SOX5: variants seen among roughly 807,000 people sequenced by gnomAD.
SOX5 encodes SRY-box transcription factor 5.
In SOX5, 9 loss-of-function variants were observed where a neutral mutation model predicts 92.0. The observed-to-expected ratio is 0.10, with a 90% CI of 0.06 to 0.17. The LOEUF is 0.17. Among genes scored for constraint, SOX5 ranks in the 10% least tolerant of loss-of-function variants. The pLI, the probability that SOX5 is intolerant of heterozygous loss-of-function variation, is 1.00. For synonymous variants in SOX5, 344 were observed against 336.3 expected (o/e 1.02, Z -0.25); for missense variants, 642 against 944.5 (o/e 0.68, Z 4.20).
At chr12:24,036,981 A>C (rs183120295) in intron 4 of SOX5, among the ~76,000 whole-genome samples, 33 of 152,266 alleles carry the variant, frequency 2.2e-4, no homozygotes, top group South Asian at 4.1e-4. Flanking sequence ...GCATGTTATC[A>C]ATGTAAAGGC....
rs1372745181 is a variant in SOX5 at position 23,740,970 on chromosome 12, C to T, written c.638G>A (p.Arg213Gln). The stretch of plus-strand genomic sequence containing the variant: ...ATCGTGGGCAGCCAACAGCTGCTCT[C>T]GGAGGCTGGTCAGCTGGTTGATCAT... The part of the protein sequence containing the change: ...MGMINQLTSL[R>Q]EQLLAAHDEQ... The change falls in exon 5 of 15, where the codon CGA (arginine) becomes CAA (glutamine). Residue 213 changes from arginine to glutamine, a missense_variant. Transcript: ENST00000451604. 2.5e-6 allele frequency: 4 copies of T among 1,612,618 alleles called. No homozygotes were observed. The highest frequency in any genetic ancestry group is 3.4e-6 in the Non-Finnish European group (4 of 1,179,042).
At chr12:23,659,910 T>G (rs1246199992) in intron 7 of SOX5, among the ~76,000 whole-genome samples, 26 of 152,064 alleles carry the variant, frequency 1.7e-4, no homozygotes, top group Admixed American at 1.4e-3. Context: ...GAGGTTGCAG[T>G]GAGCCGAGAT....
At chr12:23,906,819 T>C (rs1206556214) in intron 1 of SOX5, among the ~76,000 whole-genome samples, 1 of 152,080 alleles carries the variant, frequency 6.6e-6, no homozygotes, top group African/African-American at 2.4e-5. Context: ...TAACGAGGAA[T>C]AGTGTGCTTC....
intron 10 of SOX5, among the ~76,000 whole-genome samples, chr12:23,571,783 T>C (rs1741379490): frequency 1.3e-5 from 2 of 152,162 alleles, no homozygotes; most frequent in Non-Finnish European, 2.9e-5. Context: ...TTCAAATCCC[T>C]AGGTAGACAC....
chr12:24,331,585 C>T (rs1292306048), intron 2 of SOX5, among the ~76,000 whole-genome samples: 4 of 152,050 alleles, frequency 2.6e-5, no homozygotes, highest in South Asian at 2.1e-4. Flanking sequence ...CGTGGTGGCT[C>T]ACACCTGTAA....
chr12:23,897,352 T>C (rs922031694), intron 1 of SOX5, among the ~76,000 whole-genome samples: 15 of 152,218 alleles, frequency 9.9e-5, no homozygotes, highest in African/African-American at 3.4e-4. Flanking sequence ...ATTAAAAATA[T>C]TAGGACAGTA....
intron 4 of SOX5, among the ~76,000 whole-genome samples, chr12:23,969,685 A>G (rs1948001871): frequency 6.6e-6 from 1 of 152,176 alleles, no homozygotes; most frequent in Non-Finnish European, 1.5e-5. Flanking sequence ...AGCTAGCTCA[A>G]CCTAGTTTTT....
At chr12:23,932,668 AT>A (rs961732952) in intron 1 of SOX5, among the ~76,000 whole-genome samples, 9 of 151,212 alleles carry the variant, frequency 6.0e-5, no homozygotes, top group South Asian at 2.1e-4. Flanking sequence ...TTTGTTTTTT[AT>A]TTTTTTTGAA....
chr12:24,497,750 A>G (rs1346977863), intron 1 of SOX5, among the ~76,000 whole-genome samples: 1 of 152,168 alleles, frequency 6.6e-6, no homozygotes, highest in African/African-American at 2.4e-5. Flanking sequence ...ACATGCATGC[A>G]TAAGTTCATT....
chr12:23,814,071 T>G (rs2095935273), intron 3 of SOX5, among the ~76,000 whole-genome samples: 1 of 152,174 alleles, frequency 6.6e-6, no homozygotes, highest in African/African-American at 2.4e-5. Flanking sequence ...AGAATATTTA[T>G]TTATAGATGT....
intron 2 of SOX5, among the ~76,000 whole-genome samples, chr12:23,877,337 T>C (rs891886302): frequency 2.0e-5 from 3 of 152,122 alleles, no homozygotes; most frequent in African/African-American, 7.2e-5. Flanking sequence ...ATATTCTCTG[T>C]TCTTTAAAAG....
intron 3 of SOX5, among the ~76,000 whole-genome samples, chr12:23,794,555 C>A (rs914314175): frequency 3.3e-5 from 5 of 152,018 alleles, no homozygotes; most frequent in African/African-American, 9.7e-5. Flanking sequence ...TTTAGCATTC[C>A]CTCCAAAAGA....
intron 1 of SOX5, among the ~76,000 whole-genome samples, chr12:24,535,887 C>T (rs1455965462): frequency 1.3e-5 from 2 of 151,930 alleles, no homozygotes; most frequent in African/African-American, 4.8e-5. Context: ...AATTGCTTCC[C>T]CCGCCCCACC....
chr12:23,885,812 C>T (rs2097057870), intron 2 of SOX5, among the ~76,000 whole-genome samples: 2 of 150,228 alleles, frequency 1.3e-5, no homozygotes, highest in South Asian at 4.2e-4. Context: ...AAAGAATGTT[C>T]CCTCATTCTC....
intron 4 of SOX5, among the ~76,000 whole-genome samples, chr12:23,974,931 GA>G (rs1181153050): frequency 1.3e-5 from 2 of 152,066 alleles, no homozygotes; most frequent in African/African-American, 2.4e-5. Flanking sequence ...TGTTTGGGGG[GA>G]AAGTATAAAA....
intron 2 of SOX5, among the ~76,000 whole-genome samples, chr12:24,304,705 G>T (rs1222915589): frequency 1.3e-5 from 2 of 152,078 alleles, no homozygotes. Flanking sequence ...AACAAACTTA[G>T]CATGTCCCCC....
intron 4 of SOX5, among the ~76,000 whole-genome samples, chr12:24,050,127 G>T (rs1464820879): frequency 6.8e-6 from 1 of 147,168 alleles, no homozygotes; most frequent in Non-Finnish European, 1.5e-5. Flanking sequence ...AAAGAAAAGG[G>T]GAGTGGATAA....
intron 3 of SOX5, among the ~76,000 whole-genome samples, chr12:23,758,900 C>T (rs974373404): frequency 6.6e-6 from 1 of 151,864 alleles, no homozygotes; most frequent in East Asian, 1.9e-4. Flanking sequence ...AAGGCCCTCA[C>T]CAGATGCTAG....
chr12:24,387,236 C>T (rs1346732142), intron 1 of SOX5, among the ~76,000 whole-genome samples: 1 of 152,204 alleles, frequency 6.6e-6, no homozygotes, highest in Non-Finnish European at 1.5e-5. Flanking sequence ...ACTTTCCATC[C>T]TCCTCACATA....
Sources: allele counts gnomAD v4.1 joint callset (sites outside exome capture counted in the v4.1 genomes callset), GRCh38; gene constraint gnomAD v4.1.1; transcripts MANE v1.5; gene names NCBI Gene and HGNC (gene_info 2026-07-23, HGNC 2026-07-21).